Variants in ARID4B observed in about 807,000 individuals in gnomAD.
ARID4B encodes the protein AT-rich interaction domain 4B, also known as AT-rich interactive domain-containing protein 4B.
In ARID4B, 26 loss-of-function variants were observed where a neutral mutation model predicts 147.5. The ratio of observed to expected loss-of-function variants is 0.18; its 90% confidence interval spans 0.13 to 0.24. ARID4B has a LOEUF of 0.24. ARID4B is among the 10% of genes least tolerant of loss of function. The probability of loss-of-function intolerance (pLI) is 1.00; values close to 1 mark genes in which losing one functional copy is unlikely to be tolerated. For missense variants in ARID4B, 1,179 were observed against 1,511.5 expected, an observed-to-expected ratio of 0.78 and a Z score of 3.65; for synonymous variants, 512 against 507.9, an observed-to-expected ratio of 1.01 and a Z score of -0.11.
At chr1:235,289,764 G>A (rs945156848) in intron 2 of ARID4B, among the ~76,000 whole-genome samples, 2 of 149,784 alleles carry the variant, frequency 1.3e-5, no homozygotes, top group African/African-American at 2.4e-5. Flanking sequence ...ACAGAAAAAT[G>A]GGCATATGAC....
intron 8 of ARID4B, among the ~76,000 whole-genome samples, chr1:235,238,234 T>C (rs891069688): frequency 6.6e-6 from 1 of 152,098 alleles, no homozygotes; most frequent in African/African-American, 2.4e-5. Context: ...AATGAGTCTA[T>C]CTTTGTTAAA....
intron 2 of ARID4B, among the ~76,000 whole-genome samples, chr1:235,278,041 A>C (rs1321217304): frequency 6.6e-6 from 1 of 152,150 alleles, no homozygotes; most frequent in Non-Finnish European, 1.5e-5. Flanking sequence ...GTACACACAC[A>C]AAGTATCATT....
At chr1:235,274,136 G>T (rs1231547141) in intron 2 of ARID4B, among the ~76,000 whole-genome samples, 2 of 152,072 alleles carry the variant, frequency 1.3e-5, no homozygotes, top group Non-Finnish European at 2.9e-5. Flanking sequence ...ACTTTGGGAG[G>T]CCAAGGCAGG....
chr1:235,268,388 C>G (rs1241839846), intron 2 of ARID4B, among the ~76,000 whole-genome samples: 1 of 147,226 alleles, frequency 6.8e-6, no homozygotes, highest in Non-Finnish European at 1.5e-5. Context: ...CACACACACA[C>G]AGAAAAATAA....
At chr1:235,177,041 A>C in intron 21 of ARID4B, 2 of 432,716 alleles carry the variant, frequency 4.6e-6, no homozygotes, top group Admixed American at 5.0e-5. Context: ...AAGTTGGAGC[A>C]TACTTAGCAA....
rs1664331394 is a variant in ARID4B at position 235,181,842 on chromosome 1, G to A, written c.3077C>T (p.Thr1026Ile). 1.2e-6 allele frequency: 2 copies of A among 1,614,166 alleles called. No individual in the cohort carries two copies. The highest frequency in any genetic ancestry group is 1.1e-5 in the South Asian group (1 of 91,086). The part of the protein sequence containing the change: ...SNSVLNTPPT[T>I]PESPSSVTVT... ...AGTGACTGATGAAGGCGATTCAGGT[G>A]TAGTAGGAGGGGTATTTAGCACTGA... Residue 1026 changes from threonine (T) to isoleucine (I), a missense_variant, in exon 20 of 24, where the codon ACA becomes ATA. Physicochemically the swap from Thr to Ile is moderately conservative, Grantham distance 89. This residue lies in a region of ARID4B where 357 missense variants were observed against 427.3 expected (regional missense o/e 0.84). Transcript: ENST00000264183.
intron 16 of ARID4B, among the ~76,000 whole-genome samples, chr1:235,217,312 T>G (rs1427174174): frequency 2.6e-5 from 4 of 152,006 alleles, no homozygotes; most frequent in Non-Finnish European, 5.9e-5. Context: ...CTAAACCAGA[T>G]GGAACACAGA....
At chr1:235,229,138 T>C in intron 11 of ARID4B, 93 bp downstream of exon 11, 1 of 1,360,540 alleles carries the variant, frequency 7.4e-7, no homozygotes, top group Non-Finnish European at 1.0e-6. Context: ...TAAAAATACT[T>C]ATATGAGTAA....
chr1:235,255,273 C>A (rs376954960), intron 5 of ARID4B, among the ~76,000 whole-genome samples: 25,253 of 126,818 alleles, frequency 0.2, 2,995 homozygotes, highest in South Asian at 0.35. Flanking sequence ...ATATATATCT[C>A]TCTCTCTCTC....
chr1:235,298,585 T>C lies in ARID4B; in HGVS notation c.6+28329A>G, dbSNP rs184269503. On this transcript the variant is annotated intron_variant, in intron 2 of 23. Coordinates refer to ENST00000264183, the MANE Select transcript of ARID4B (RefSeq NM_016374.6). ...TTATATATATCCATATATATGAATA[T>C]AATGTATATTTATATATATCCATAT... Among the ~76,000 whole-genome samples the C allele has an allele frequency of 6.4e-3, 946 of 148,688 alleles. 7 individuals carry two copies. The highest frequency in any genetic ancestry group is 0.01 in the Non-Finnish European group (687 of 67,320).
chr1:235,277,621 TG>T (rs1223795447), intron 2 of ARID4B, among the ~76,000 whole-genome samples: 45 of 136,792 alleles, frequency 3.3e-4, no homozygotes, highest in African/African-American at 1.2e-3. Flanking sequence ...TGTGTGTGTG[TG>T]TGTGTGTGTG....
intron 7 of ARID4B, among the ~76,000 whole-genome samples, chr1:235,241,714 T>G (rs1052271961): frequency 1.3e-4 from 19 of 151,980 alleles, no homozygotes; most frequent in African/African-American, 4.6e-4. Flanking sequence ...AGAAGGGGTT[T>G]CACCATGTTA....
chr1:235,270,742 G>A (rs756452979), intron 2 of ARID4B, among the ~76,000 whole-genome samples: 31 of 152,314 alleles, frequency 2.0e-4, no homozygotes, highest in Admixed American at 3.9e-4. Flanking sequence ...ACTCTGCCTT[G>A]AGAAGAGGTT....
chr1:235,256,583 A>G (rs907700339), intron 4 of ARID4B, among the ~76,000 whole-genome samples: 1 of 152,244 alleles, frequency 6.6e-6, no homozygotes, highest in African/African-American at 2.4e-5. Context: ...ATGCAAAGAA[A>G]TAAAACTCTC....
chr1:235,244,636 G>A (rs967270674), intron 7 of ARID4B, among the ~76,000 whole-genome samples: 3 of 152,082 alleles, frequency 2.0e-5, no homozygotes, highest in Non-Finnish European at 4.4e-5. Flanking sequence ...CTGATACGTG[G>A]AATAACAGCT....
Position 235,176,437 on chromosome 1 carries a change from C to CAAAAAA in ARID4B, c.3449-1044_3449-1039dup, listed in dbSNP as rs34808765. ...CTGATTTTTCACTTAACAACATCAC[C>CAAAAAA]AAAAAAAAAAAAAAAAAAAAAAAAA... On this transcript the variant is annotated intron_variant, in intron 21 of 23. Coordinates refer to ENST00000264183, the MANE Select transcript of ARID4B (RefSeq NM_016374.6). Among the ~76,000 whole-genome samples, 90 of 22,538 alleles carry CAAAAAA rather than the reference C, an allele frequency of 4.0e-3. 6 individuals carry two copies. The highest frequency in any genetic ancestry group is 6.4e-3 in the African/African-American group (65 of 10,078). 14.8% of individuals were successfully genotyped at this position (22,538 alleles called of 152,430 possible). A position where few individuals can be genotyped will look rare whatever the true frequency, so the allele number is the denominator to read the frequency against.
At chr1:235,269,286 T>C (rs1670817863) in intron 2 of ARID4B, among the ~76,000 whole-genome samples, 2 of 152,130 alleles carry the variant, frequency 1.3e-5, no homozygotes, top group African/African-American at 4.8e-5. Context: ...ATCATAAAGG[T>C]GGCTGATTCA....
intron 8 of ARID4B, among the ~76,000 whole-genome samples, chr1:235,235,932 CCTTTTT>C (rs1377265726): frequency 5.3e-5 from 8 of 151,092 alleles, no homozygotes; most frequent in African/African-American, 2.0e-4. Flanking sequence ...GTAGTTGTTT[CCTTTTT>C]CTTTTTCTTT....
In ARID4B at chr1:235,194,230, T is replaced by C; in HGVS notation, c.1927-19A>G. 6.5e-7 allele frequency: 1 copy of C among 1,537,668 alleles called. No individual in the cohort carries two copies. The highest frequency in any genetic ancestry group is 9.0e-7 in the Non-Finnish European group (1 of 1,113,190). On this transcript the variant is annotated intron_variant, in intron 18 of 23. Coordinates refer to ENST00000264183, the MANE Select transcript of ARID4B (RefSeq NM_016374.6). ...ATTTATTCTAGGTTAAGAAAAAAAGTATGTCGTAATTTATCATAAGGCATT... is the reference window on the plus strand; with the variant it reads ...ATTTATTCTAGGTTAAGAAAAAAAGCATGTCGTAATTTATCATAAGGCATT...
Sources: allele counts gnomAD v4.1 joint callset (sites outside exome capture counted in the v4.1 genomes callset), GRCh38; gene constraint gnomAD v4.1.1; regional missense constraint gnomAD v4.1.1; transcripts MANE v1.5; gene names NCBI Gene and HGNC (gene_info 2026-07-23, HGNC 2026-07-21).